The following ZNF536 variants were observed in gnomAD, a reference collection of about 807,000 sequenced individuals.
The protein encoded by ZNF536 is zinc finger protein 536.
ZNF536 carries 13 observed loss-of-function variants against 84.5 expected under a neutral mutation model. The observed-to-expected ratio is 0.15, with a 90% CI of 0.10 to 0.24. ZNF536 has a LOEUF of 0.24. Ranked by LOEUF, ZNF536 falls within the 10% of genes least tolerant of loss-of-function variation. The probability of loss-of-function intolerance (pLI) is 1.00; values close to 1 mark genes in which losing one functional copy is unlikely to be tolerated. For synonymous variants in ZNF536, 811 were observed against 742.5 expected, an observed-to-expected ratio of 1.09 and a Z score of -1.50; for missense variants, 1,536 against 1,747.5, an observed-to-expected ratio of 0.88 and a Z score of 2.16.
intron 2 of ZNF536, 26 bp from the exon 3 acceptor site, chr19:30,534,821 G>A (rs1599722387): frequency 1.9e-6 from 3 of 1,595,900 alleles, no homozygotes; most frequent in East Asian, 4.5e-5. Flanking sequence ...CTGAAGTGAT[G>A]TGAGAACGTT....
At chr19:30,594,030 C>A (rs1049685057) in intron 1 of ZNF536, among the ~76,000 whole-genome samples, 2 of 152,184 alleles carry the variant, frequency 1.3e-5, no homozygotes, top group African/African-American at 4.8e-5. Flanking sequence ...CTCTATGCCA[C>A]GTGGAATGTC....
chr19:30,709,642 T>C (rs907671166), intron 1 of ZNF536, among the ~76,000 whole-genome samples: 4 of 152,168 alleles, frequency 2.6e-5, no homozygotes, highest in African/African-American at 4.8e-5. Flanking sequence ...GTTCTTTGTG[T>C]TTGTGAAAGG....
intron 1 of ZNF536, among the ~76,000 whole-genome samples, chr19:30,615,504 G>A (rs1317106442): frequency 6.6e-6 from 1 of 150,848 alleles, no homozygotes; most frequent in African/African-American, 2.4e-5. Context: ...TTCTGCACCT[G>A]TTTCAAACCA....
chr19:30,495,305 T>C (rs991512940), intron 2 of ZNF536, among the ~76,000 whole-genome samples: 1 of 152,166 alleles, frequency 6.6e-6, no homozygotes, highest in Non-Finnish European at 1.5e-5. Context: ...CAGGCTAAGG[T>C]CCAGGAAGAA....
At chr19:30,648,635 G>T (rs752094199) in intron 1 of ZNF536, among the ~76,000 whole-genome samples, 1 of 152,194 alleles carries the variant, frequency 6.6e-6, no homozygotes, top group Non-Finnish European at 1.5e-5. Context: ...ACATCAAAAG[G>T]CAAGCAGCCT....
chr19:30,359,070 T>C (rs1349960254), intron 3 of ZNF536, among the ~76,000 whole-genome samples: 1 of 150,322 alleles, frequency 6.7e-6, no homozygotes, highest in Non-Finnish European at 1.5e-5. Context: ...TGCAGCCGCC[T>C]AGGAGTGTGG....
chr19:30,463,446 G>A (rs892905684), intron 2 of ZNF536, among the ~76,000 whole-genome samples: 1 of 152,148 alleles, frequency 6.6e-6, no homozygotes, highest in Non-Finnish European at 1.5e-5. Flanking sequence ...GAAGAAGCTG[G>A]GGCTTGAGGC....
At chr19:30,346,063 T>C (rs1358569610) in intron 2 of ZNF536, among the ~76,000 whole-genome samples, 1 of 152,184 alleles carries the variant, frequency 6.6e-6, no homozygotes, top group Non-Finnish European at 1.5e-5. Flanking sequence ...ACTATGATGC[T>C]GCCACAGTGT....
intron 1 of ZNF536, among the ~76,000 whole-genome samples, chr19:30,586,822 A>C (rs2047112085): frequency 6.6e-6 from 1 of 152,218 alleles, no homozygotes; most frequent in Non-Finnish European, 1.5e-5. Context: ...TATGATCAAA[A>C]ACTAAAACTT....
At chr19:30,574,870 G>A (rs994040665) in intron 1 of ZNF536, among the ~76,000 whole-genome samples, 33 of 152,016 alleles carry the variant, frequency 2.2e-4, no homozygotes, top group Admixed American at 1.4e-3. Context: ...AATCCTATTC[G>A]ATTTTTTTTT....
At chr19:30,315,009 C>T (rs959570527) in intron 2 of ZNF536, among the ~76,000 whole-genome samples, 5 of 152,312 alleles carry the variant, frequency 3.3e-5, no homozygotes, top group South Asian at 2.1e-4. Flanking sequence ...CTCCCCACCA[C>T]GCCTACTAGT....
intron 1 of ZNF536, among the ~76,000 whole-genome samples, chr19:30,384,174 TTTC>T (rs1194842441): frequency 1.0e-5 from 1 of 100,322 alleles, no homozygotes; most frequent in Non-Finnish European, 2.0e-5. Context: ...CGTTTCCTTC[TTTC>T]TTTCTTTCTC....
At chr19:30,372,163 C>T (rs1386153688), upstream of ZNF536, among the ~76,000 whole-genome samples, 2 of 152,150 alleles carry the variant, frequency 1.3e-5, no homozygotes, top group East Asian at 3.8e-4. Context: ...AAAGATGGGC[C>T]CTAATTGCAG....
At chr19:30,297,858 T>C (rs910819728) in intron 2 of ZNF536, among the ~76,000 whole-genome samples, 2 of 150,184 alleles carry the variant, frequency 1.3e-5, no homozygotes, top group Non-Finnish European at 3.0e-5. Flanking sequence ...AGTTAAATTT[T>C]CCCCACAAAC....
chr19:30,586,301 G>A (rs879322930), intron 1 of ZNF536, among the ~76,000 whole-genome samples: 2 of 152,226 alleles, frequency 1.3e-5, no homozygotes, highest in Non-Finnish European at 2.9e-5. Flanking sequence ...AGGCAAAAAG[G>A]GGAGTGGAAA....
At position 30,592,267 on chromosome 19, in the gene ZNF536, C is replaced by T. The variant is rs992208311; in HGVS notation, c.169+42753C>T. Reference sequence around the variant, plus strand: ...GGTATCGAGGCAGCACAAAGGGTTTCAAGTAGTAGGATATGGAGAGACTGT... The same window carrying T: ...GGTATCGAGGCAGCACAAAGGGTTTTAAGTAGTAGGATATGGAGAGACTGT... On this transcript the variant is annotated intron_variant, in intron 1 of 1. Transcript: ENST00000592773. 1.8e-4 allele frequency among the ~76,000 whole-genome samples: 27 copies of T among 152,136 alleles called. 1 individual carries two copies. The highest frequency in any genetic ancestry group is 4.0e-4 in the Non-Finnish European group (27 of 68,032).
rs188592332 is a variant in ZNF536 at position 30,342,404 on chromosome 19, T to G, written c.-119-9964T>G. Among the ~76,000 whole-genome samples the G allele has an allele frequency of 2.2e-3, 331 of 152,292 alleles. 2 individuals are homozygous for G. Among genetic ancestry groups the G allele is most frequent in the Middle Eastern group, 6.8e-3 (2 of 294 alleles). Reference sequence around the variant, plus strand: ...TCTTTAAAAAGATATTTTCTTGAGATCATGTATTCAAACAAATGTGGACTT... The same window carrying G: ...TCTTTAAAAAGATATTTTCTTGAGAGCATGTATTCAAACAAATGTGGACTT... On this transcript the variant is annotated intron_variant, in intron 2 of 5. Coordinates refer to the ZNF536 transcript ENST00000585628.
intron 1 of ZNF536, among the ~76,000 whole-genome samples, chr19:30,268,786 G>T (rs1186017114): frequency 6.6e-6 from 1 of 152,194 alleles, no homozygotes; most frequent in Admixed American, 6.5e-5. Flanking sequence ...TGTCGTGGGG[G>T]TTTTCCTTCT....
chr19:30,228,288 G>A (rs1252861061), upstream of ZNF536: 1 of 152,116 alleles, frequency 6.6e-6, no homozygotes, highest in Non-Finnish European at 1.5e-5. The surrounding 1 kb of genome is among the most constrained non-coding windows in gnomAD (Gnocchi z 4.5). Context: ...GAGACGGAGA[G>A]AGGAAAAAGA....
Sources: gnomAD v4.1 joint callset for allele counts (sites outside exome capture counted in the v4.1 genomes callset) on GRCh38, gnomAD v4.1.1 for gene constraint, Gnocchi (gnomAD v3.1) non-coding constraint, MANE v1.5 for transcripts, NCBI Gene and HGNC (gene_info 2026-07-23, HGNC 2026-07-21) for gene names.